Variants in OPCML observed in about 807,000 individuals in gnomAD.
The protein encoded by OPCML is opioid binding protein/cell adhesion molecule like.
In OPCML, 13 loss-of-function variants were observed where a neutral mutation model predicts 37.8. That is an observed-to-expected ratio of 0.34 (90% CI 0.22 to 0.55). The LOEUF is 0.55. Ranked by LOEUF, OPCML falls within the 20% of genes least tolerant of loss-of-function variation. The probability of loss-of-function intolerance (pLI) is 0.91; values close to 1 mark genes in which losing one functional copy is unlikely to be tolerated. For synonymous variants in OPCML, 176 were observed against 168.8 expected, an observed-to-expected ratio of 1.04 and a Z score of -0.33; for missense variants, 341 against 435.6, an observed-to-expected ratio of 0.78 and a Z score of 1.93.
At chr11:133,309,952 C>T (rs561898453) in intron 1 of OPCML, among the ~76,000 whole-genome samples, 7 of 152,286 alleles carry the variant, frequency 4.6e-5, no homozygotes, top group Admixed American at 1.3e-4. Flanking sequence ...GCTTCTGGGA[C>T]ATCCAGATGG....
chr11:132,571,768 A>C (rs1229421037), intron 3 of OPCML, among the ~76,000 whole-genome samples: 1 of 152,124 alleles, frequency 6.6e-6, no homozygotes, highest in Non-Finnish European at 1.5e-5. Flanking sequence ...ATGGACCTCA[A>C]TTCTTTTGAA....
At chr11:133,122,660 C>G (rs531041883) in intron 1 of OPCML, among the ~76,000 whole-genome samples, 1 of 152,240 alleles carries the variant, frequency 6.6e-6, no homozygotes, top group Admixed American at 6.5e-5. Context: ...ACTTCCCCTC[C>G]CTATACCTTT....
intron 1 of OPCML, among the ~76,000 whole-genome samples, chr11:133,181,934 G>A (rs749487819): frequency 6.6e-6 from 1 of 152,146 alleles, no homozygotes; most frequent in Non-Finnish European, 1.5e-5. Context: ...GCACGGTGCA[G>A]CTTCTCTTCC....
intron 2 of OPCML, among the ~76,000 whole-genome samples, chr11:132,728,411 G>C (rs1205180093): frequency 1.3e-5 from 2 of 152,180 alleles, no homozygotes; most frequent in African/African-American, 4.8e-5. Context: ...GCTGCAAGAA[G>C]AGACAAAAGA....
intron 1 of OPCML, among the ~76,000 whole-genome samples, chr11:133,517,564 G>C (rs139886067): frequency 6.6e-6 from 1 of 152,228 alleles, no homozygotes; most frequent in African/African-American, 2.4e-5. Flanking sequence ...GGTTTGGACT[G>C]TACAGACAGA....
Position 133,372,638 on chromosome 11 carries a change from G to A in OPCML, c.61+159626C>T, listed in dbSNP as rs186878743. On this transcript the variant is annotated intron_variant, in intron 1 of 7. Transcript: ENST00000524381. ...AGGACTAAGCAAGCTAATGTATGTG[G>A]ATGTGTTTGAGAAACAATAAAGCAC... Among the ~76,000 whole-genome samples the A allele has an allele frequency of 3.2e-3, 493 of 152,300 alleles. 2 individuals are homozygous for A. Among genetic ancestry groups the A allele is most frequent in the African/African-American group, 0.01 (435 of 41,562 alleles).
intron 1 of OPCML, among the ~76,000 whole-genome samples, chr11:133,111,575 G>T (rs549610825): frequency 2.0e-5 from 3 of 152,318 alleles, no homozygotes; most frequent in African/African-American, 7.2e-5. Flanking sequence ...TAACACCCAA[G>T]AGGGAAGTGT....
At chr11:132,423,741 G>T (rs1177079866) in intron 7 of OPCML, among the ~76,000 whole-genome samples, 1 of 152,186 alleles carries the variant, frequency 6.6e-6, no homozygotes, top group Non-Finnish European at 1.5e-5. Context: ...AAGTAATTTG[G>T]TGTGGTCCCA....
At chr11:132,716,217 G>A (rs1311181802) in intron 2 of OPCML, among the ~76,000 whole-genome samples, 2 of 152,296 alleles carry the variant, frequency 1.3e-5, no homozygotes, top group Non-Finnish European at 2.9e-5. Flanking sequence ...ACTCACTCCA[G>A]CCATGTCCTT....
intron 1 of OPCML, chr11:133,025,386 T>A: frequency 1.0e-6 from 1 of 985,360 alleles, no homozygotes; most frequent in Non-Finnish European, 1.2e-6. Flanking sequence ...TTGAAACCAG[T>A]ACTAGCCAAG....
chr11:133,311,572 A>G (rs904141298), intron 1 of OPCML, among the ~76,000 whole-genome samples: 6 of 152,212 alleles, frequency 3.9e-5, no homozygotes, highest in Middle Eastern at 3.4e-3. Flanking sequence ...CTAAATAGGA[A>G]GACAGGACGT....
intron 2 of OPCML, among the ~76,000 whole-genome samples, chr11:132,923,256 T>C (rs960292614): frequency 6.6e-6 from 1 of 151,990 alleles, no homozygotes. Flanking sequence ...TTCCAAAAAA[T>C]AGTGCACCAA....
chr11:132,857,674 GT>G (rs1289117106), intron 2 of OPCML, among the ~76,000 whole-genome samples: 1 of 152,144 alleles, frequency 6.6e-6, no homozygotes, highest in African/African-American at 2.4e-5. Flanking sequence ...ATAAAGCAAT[GT>G]CATTCTTCTC....
chr11:133,230,846 C>G (rs181535645), intron 1 of OPCML, among the ~76,000 whole-genome samples: 42 of 152,264 alleles, frequency 2.8e-4, no homozygotes, highest in Admixed American at 2.7e-3. Context: ...AGATCTGGCA[C>G]TAGTATCCCC....
intron 1 of OPCML, among the ~76,000 whole-genome samples, chr11:133,210,327 A>T (rs916292850): frequency 1.3e-5 from 2 of 152,108 alleles, no homozygotes; most frequent in South Asian, 4.1e-4. Context: ...AATGGACATG[A>T]TAATAAAGAA....
intron 1 of OPCML, among the ~76,000 whole-genome samples, chr11:133,429,572 C>A (rs1946074869): frequency 6.6e-6 from 1 of 152,096 alleles, no homozygotes; most frequent in Admixed American, 6.5e-5. Flanking sequence ...TTGCGAAAAT[C>A]CAGCCAAGAT....
At chr11:133,026,596 A>G in intron 1 of OPCML, 1 of 984,808 alleles carries the variant, frequency 1.0e-6, no homozygotes, top group Non-Finnish European at 1.2e-6. Flanking sequence ...CTTTCTAGCT[A>G]ATGTCCCACA....
At chr11:132,509,345 GAA>G (rs57552965) in intron 4 of OPCML, among the ~76,000 whole-genome samples, 2 of 149,468 alleles carry the variant, frequency 1.3e-5, no homozygotes, top group South Asian at 4.2e-4. Context: ...CTACGTGATA[GAA>G]AAAAAAAAAT....
Position 132,529,047 on chromosome 11 carries a change from G to A in OPCML, c.505+14C>T. 6.4e-7 allele frequency: 1 copy of A among 1,574,284 alleles called. No homozygotes were observed. Among genetic ancestry groups the A allele is most frequent in the Non-Finnish European group, 8.7e-7 (1 of 1,145,428 alleles). ...ATACTACCTCTGAAAACGTCCTCCA[G>A]GTCAGCACCTTACCCTTGACTGACA... On this transcript the variant is annotated intron_variant, in intron 4 of 7. Transcript: ENST00000524381.
Sources: gnomAD v4.1 joint callset for allele counts (sites outside exome capture counted in the v4.1 genomes callset) on GRCh38, gnomAD v4.1.1 for gene constraint, MANE v1.5 for transcripts, NCBI Gene and HGNC (gene_info 2026-07-23, HGNC 2026-07-21) for gene names.